The following ZNF568 variants were observed in gnomAD, a reference collection of about 807,000 sequenced individuals.
ZNF568 encodes the protein zinc finger protein 568.
Under a neutral mutation model 18.1 loss-of-function variants are expected in ZNF568, and 11 were observed. The observed-to-expected ratio is 0.61, with a 90% CI of 0.38 to 1.00. ZNF568 has a LOEUF of 1.00. Ranked by LOEUF, ZNF568 falls within the 50% of genes least tolerant of loss-of-function variation. The pLI is 0.01. For synonymous variants in ZNF568, 213 were observed against 246.6 expected (o/e 0.86, Z 1.28); for missense variants, 639 against 768.2 (o/e 0.83, Z 1.99).
chr19:36,980,768 C>T (rs1263232721), downstream of ZNF568, among the ~76,000 whole-genome samples: 2 of 152,200 alleles, frequency 1.3e-5, no homozygotes, highest in Non-Finnish European at 2.9e-5. Flanking sequence ...ACTGAAGCTT[C>T]ATTACATAGG....
At chr19:36,919,156 T>G (rs1286872731) in intron 2 of ZNF568, among the ~76,000 whole-genome samples, 1 of 152,188 alleles carries the variant, frequency 6.6e-6, no homozygotes, top group Non-Finnish European at 1.5e-5. Context: ...TAATGTCTGT[T>G]TTTAATCTTT....
intron 2 of ZNF568, among the ~76,000 whole-genome samples, chr19:36,990,678 ACTT>A (rs1317819131): frequency 1.3e-5 from 2 of 152,116 alleles, no homozygotes; most frequent in Non-Finnish European, 2.9e-5. Context: ...CCTTTAGAAA[ACTT>A]CTCCAACCTA....
chr19:36,946,625 T>G (rs2073968302), intron 6 of ZNF568, among the ~76,000 whole-genome samples: 1 of 149,970 alleles, frequency 6.7e-6, no homozygotes, highest in African/African-American at 2.5e-5. Context: ...ATAAAAGAAA[T>G]TTTTTAGTTT....
chr19:36,965,733 G>T (rs1190419662), intron 6 of ZNF568, among the ~76,000 whole-genome samples: 4 of 132,742 alleles, frequency 3.0e-5, no homozygotes, highest in Admixed American at 8.4e-5. Context: ...TAAGAGTCTT[G>T]CTCTGTCATG....
At chr19:36,948,208 A>G (rs1406586919) in intron 6 of ZNF568, among the ~76,000 whole-genome samples, 1 of 152,016 alleles carries the variant, frequency 6.6e-6, no homozygotes, top group South Asian at 2.1e-4. Flanking sequence ...TGCCTTTTCC[A>G]GTTTGGAATC....
At chr19:36,977,820 G>A in intron 7 of ZNF568, among the ~76,000 whole-genome samples, 1 of 152,202 alleles carries the variant, frequency 6.6e-6, no homozygotes, top group East Asian at 1.9e-4. Context: ...TAGAATCTTA[G>A]CCCATTTCTG....
downstream of ZNF568, chr19:36,997,696 C>CCTGA: frequency 7.5e-6 from 7 of 929,330 alleles, no homozygotes; most frequent in Non-Finnish European, 1.2e-5. Context: ...TCAAAGAATT[C>CCTGA]ATTCAGGACA....
intron 6 of ZNF568, among the ~76,000 whole-genome samples, chr19:36,947,204 C>T (rs146137322): frequency 0.017 from 2,577 of 151,846 alleles, 34 homozygotes; most frequent in African/African-American, 0.036. Flanking sequence ...TTAGTAGAGA[C>T]GGGGTTTCAT....
At chr19:36,996,387 A>G (rs1282262424) in exon 5 of ZNF568, 1 of 1,536,210 alleles carries the variant, frequency 6.5e-7, no homozygotes, top group Non-Finnish European at 8.7e-7. Context: ...GATCACCACA[A>G]CAGGAGAAGG....
chr19:36,934,296 T>C (rs1194730439), intron 4 of ZNF568, among the ~76,000 whole-genome samples: 2 of 149,878 alleles, frequency 1.3e-5, no homozygotes, highest in Non-Finnish European at 3.0e-5. Flanking sequence ...ATCATCTTCT[T>C]CTAGTATCTT....
intron 4 of ZNF568, among the ~76,000 whole-genome samples, chr19:36,993,685 T>C (rs2074444751): frequency 6.6e-6 from 1 of 152,168 alleles, no homozygotes; most frequent in Admixed American, 6.5e-5. Flanking sequence ...CTTATTGGCA[T>C]ATAGTTATTC....
chr19:36,934,174 T>A (rs930182465), intron 4 of ZNF568, among the ~76,000 whole-genome samples: 1 of 151,820 alleles, frequency 6.6e-6, no homozygotes, highest in African/African-American at 2.4e-5. Context: ...ATTTGTCCAT[T>A]TTGTCAATTT....
intron 6 of ZNF568, among the ~76,000 whole-genome samples, chr19:36,939,762 A>G (rs2073850837): frequency 6.6e-6 from 1 of 151,898 alleles, no homozygotes; most frequent in African/African-American, 2.4e-5. Flanking sequence ...GCTGGTCTCG[A>G]ATTCCTGACC....
chr19:36,943,203 A>G (rs1300260832), intron 6 of ZNF568, among the ~76,000 whole-genome samples: 1 of 152,196 alleles, frequency 6.6e-6, no homozygotes, highest in Admixed American at 6.5e-5. Context: ...TTACAGACAT[A>G]ATTGAGATTG....
chr19:36,939,774 C>T (rs957631286), intron 6 of ZNF568, among the ~76,000 whole-genome samples: 3 of 151,948 alleles, frequency 2.0e-5, no homozygotes, highest in Non-Finnish European at 2.9e-5. Context: ...TTCCTGACCT[C>T]GTGATCCGCC....
At chr19:36,925,383 T>G in intron 4 of ZNF568, 125 bp downstream of exon 4, 3 of 867,048 alleles carry the variant, frequency 3.5e-6, no homozygotes, top group Non-Finnish European at 5.4e-6. Context: ...AAAATACAGA[T>G]AGAAAATCAG....
intron 6 of ZNF568, among the ~76,000 whole-genome samples, chr19:36,946,175 T>G (rs2073961686): frequency 6.6e-6 from 1 of 152,050 alleles, no homozygotes; most frequent in South Asian, 2.1e-4. Flanking sequence ...GGAATTGGTG[T>G]TTCAGGGACA....
chr19:36,929,029 G>T (rs946296486), intron 4 of ZNF568, among the ~76,000 whole-genome samples: 3 of 151,984 alleles, frequency 2.0e-5, no homozygotes, highest in African/African-American at 7.2e-5. Context: ...ATAAAAACAT[G>T]CAGAATGGCC....
chr19:36,954,556 A>G (rs2074092955), downstream of ZNF568, among the ~76,000 whole-genome samples: 1 of 146,092 alleles, frequency 6.8e-6, no homozygotes, highest in Non-Finnish European at 1.5e-5. Context: ...TAGCATACCC[A>G]ATATTTATGT....
Sources: allele counts gnomAD v4.1 joint callset (sites outside exome capture counted in the v4.1 genomes callset), GRCh38; gene constraint gnomAD v4.1.1; transcripts MANE v1.5; gene names NCBI Gene and HGNC (gene_info 2026-07-23, HGNC 2026-07-21).